The following USP35 variants were observed in gnomAD, a reference collection of about 807,000 sequenced individuals.
USP35 encodes ubiquitin specific peptidase 35, also known as ubiquitin carboxyl-terminal hydrolase 35.
In USP35, 69 loss-of-function variants were observed where a neutral mutation model predicts 83.8. The observed-to-expected ratio is 0.82, with a 90% CI of 0.68 to 1.01. The LOEUF (loss-of-function observed/expected upper bound fraction) is 1.01. USP35 is among the 50% of genes least tolerant of loss of function. The pLI is 0.00. For synonymous variants in USP35, 714 were observed against 589.5 expected, an observed-to-expected ratio of 1.21 and a Z score of -3.06; for missense variants, 1,503 against 1,362.5, an observed-to-expected ratio of 1.10 and a Z score of -1.62.
intron 7 of USP35, 120 bp from the exon 8 acceptor site, chr11:78,207,410 T>C (rs1031561664): frequency 1.5e-5 from 14 of 959,480 alleles, no homozygotes; most frequent in East Asian, 2.4e-5. Flanking sequence ...GGCTCCGTCT[T>C]GGGGCAGAAA....
the USP35 span, among the ~76,000 whole-genome samples, chr11:78,230,540 C>G: frequency 6.6e-6 from 1 of 152,264 alleles, no homozygotes; most frequent in Admixed American, 6.5e-5. Context: ...TCACCTTATT[C>G]TGCCTTATGT....
chr11:78,236,608 G>T, the USP35 span, among the ~76,000 whole-genome samples: 1 of 152,196 alleles, frequency 6.6e-6, no homozygotes, highest in African/African-American at 2.4e-5. Flanking sequence ...GGGTTCCTTA[G>T]AAGTCCTTTA....
downstream of USP35, chr11:78,219,050 T>G: frequency 1.9e-6 from 1 of 539,360 alleles, no homozygotes; most frequent in Non-Finnish European, 3.3e-6. Context: ...CCATTACTGA[T>G]AAAAATCACA....
At chr11:78,222,129 A>G in the USP35 span, 1 of 1,613,318 alleles carries the variant, frequency 6.2e-7, no homozygotes, top group Non-Finnish European at 8.5e-7. Context: ...AGACTTGGTG[A>G]TAGGTGACTT....
downstream of USP35, chr11:78,219,193 G>T: frequency 7.4e-7 from 1 of 1,349,784 alleles, no homozygotes; most frequent in Non-Finnish European, 1.0e-6. Flanking sequence ...ATGGGAGGAA[G>T]AACGGGAGAG....
the USP35 span, chr11:78,221,536 T>G: frequency 2.1e-6 from 1 of 474,364 alleles, no homozygotes. Context: ...TCAAGAAGGG[T>G]TTGTAGCAGG....
At chr11:78,198,765 G>A (rs1477997214) in intron 3 of USP35, 5 of 930,568 alleles carry the variant, frequency 5.4e-6, no homozygotes, top group Non-Finnish European at 6.4e-6. Flanking sequence ...TCTTGCCTGT[G>A]CGACCTTGGA....
the USP35 span, among the ~76,000 whole-genome samples, chr11:78,233,989 T>G: frequency 1.3e-5 from 2 of 152,230 alleles, no homozygotes; most frequent in Non-Finnish European, 2.9e-5. Flanking sequence ...AACTACAGTT[T>G]TTTCTCTTTT....
chr11:78,224,275 A>G, the USP35 span, among the ~76,000 whole-genome samples: 1 of 152,166 alleles, frequency 6.6e-6, no homozygotes, highest in Non-Finnish European at 1.5e-5. Context: ...GGCATAGTCC[A>G]TAGACTGTAG....
At chr11:78,226,623 G>T in the USP35 span, 24 of 1,613,396 alleles carry the variant, frequency 1.5e-5, no homozygotes, top group African/African-American at 2.7e-5. Flanking sequence ...GGGTGGGGGA[G>T]CTATGGCTGA....
chr11:78,196,515 G>A lies in USP35; in HGVS notation c.270G>A (p.Gln90=), dbSNP rs947708769. 109 of 1,226,016 alleles carry A rather than the reference G, an allele frequency of 8.9e-5. No homozygotes were observed. The highest frequency in any genetic ancestry group is 1.1e-4 in the Non-Finnish European group (105 of 976,744). The allele number at this position is 1,226,016 out of a possible 1,614,324, so 75.9% of individuals were successfully genotyped here. The change falls in exon 2 of 11, where the codon CAG becomes CAA. Residue 90 remains glutamine (Q), a synonymous_variant. Coordinates refer to ENST00000529308, the MANE Select transcript of USP35 (RefSeq NM_020798.4). This position sits in a 1 kb window ranked among gnomAD's most constrained non-coding sequence, Gnocchi z 4.8. ...CGCGTCGCGTGCTGCGCCTGCTGCAGGGTGGCGCCGGCCCCCCGGGCCCCC... is the reference window on the plus strand; with the variant it reads ...CGCGTCGCGTGCTGCGCCTGCTGCAAGGTGGCGCCGGCCCCCCGGGCCCCC... The part of the protein sequence containing the change: ...FSARRVLRLL[Q]GGAGPPGPRA...
At chr11:78,212,835 A>AT (rs1863843426) in intron 10 of USP35, among the ~76,000 whole-genome samples, 1 of 152,160 alleles carries the variant, frequency 6.6e-6, no homozygotes, top group Non-Finnish European at 1.5e-5. Context: ...AGAAAACCCC[A>AT]TTAATGCAGT....
At chr11:78,230,798 G>A in the USP35 span, among the ~76,000 whole-genome samples, 25 of 152,364 alleles carry the variant, frequency 1.6e-4, no homozygotes, top group Admixed American at 1.6e-3. Context: ...CCCCCACTGC[G>A]CAAACCATGC....
the USP35 span, among the ~76,000 whole-genome samples, chr11:78,230,295 G>A: frequency 1.3e-5 from 2 of 152,112 alleles, no homozygotes; most frequent in Admixed American, 6.6e-5. Flanking sequence ...CTCCTGTCTC[G>A]CTCACAGAAC....
Position 78,209,704 on chromosome 11 carries a change from C to A in USP35, c.1849C>A (p.Pro617Thr). 2 of 1,614,044 alleles carry A rather than the reference C, an allele frequency of 1.2e-6. No homozygotes were observed. Among genetic ancestry groups the A allele is most frequent in the Non-Finnish European group, 8.5e-7 (1 of 1,179,972 alleles). The stretch of plus-strand genomic sequence containing the variant: ...CCGCCGCCTGGGCTCTGTGATGCGC[C>A]CCACAGAAGACATCACAGCCCGGGA... The part of the protein sequence containing the change: ...RRRRLGSVMR[P>T]TEDITARELP... Residue 617 changes from proline to threonine, a missense_variant, in exon 10 of 11, where the codon CCC (proline) becomes ACC (threonine). Transcript: ENST00000529308.
In USP35 at chr11:78,214,567, AGCAGTTGGCCTTTGTAGCT is replaced by A. The variant is rs1864010689; in HGVS notation, c.*758_*776del. ...CTTAGGAAGCCTGTGGGCTCCTCTG[AGCAGTTGGCCTTTGTAGCT>A]GCAACAGCAGCCACCTGCAGGTTGG... On this transcript the variant is annotated 3_prime_UTR_variant, in exon 11 of 11. Coordinates refer to ENST00000529308, the MANE Select transcript of USP35 (RefSeq NM_020798.4). 6.6e-6 allele frequency: 1 copy of A among 150,658 alleles called. No individual in the cohort carries two copies. Among genetic ancestry groups the A allele is most frequent in the East Asian group, 1.9e-4 (1 of 5,196 alleles). The allele number at this position is 150,658 out of a possible 1,614,324, so 9.3% of individuals were successfully genotyped here.
downstream of USP35, chr11:78,217,565 T>C (rs1864210646): frequency 6.6e-6 from 1 of 152,202 alleles, no homozygotes. Context: ...GAAGTTCTGT[T>C]CGCCCCAGGG....
At chr11:78,205,395 C>G (rs971169735) in intron 6 of USP35, among the ~76,000 whole-genome samples, 2 of 152,234 alleles carry the variant, frequency 1.3e-5, no homozygotes, top group African/African-American at 4.8e-5. Context: ...GAAACTGAAT[C>G]AGAGAGCCTC....
At position 78,205,830 on chromosome 11, in the gene USP35, T is replaced by C. The variant is rs754167450; in HGVS notation, c.1198-12T>C. ...GCCCACCATCCTGCCTGCCTGCTTA[T>C]TCCCTCCTCAGGACCTCCATGTTCC... On this transcript the variant is annotated splice_polypyrimidine_tract_variant and intron_variant, in intron 6 of 10. Coordinates refer to ENST00000529308, the MANE Select transcript of USP35 (RefSeq NM_020798.4). 26 of 1,602,872 alleles carry C rather than the reference T, an allele frequency of 1.6e-5. No homozygotes were observed. The highest frequency in any genetic ancestry group is 1.3e-4 in the Admixed American group (8 of 59,638).
Sources: gnomAD v4.1 joint callset for allele counts (sites outside exome capture counted in the v4.1 genomes callset) on GRCh38, gnomAD v4.1.1 for gene constraint, Gnocchi (gnomAD v3.1) non-coding constraint, MANE v1.5 for transcripts, NCBI Gene and HGNC (gene_info 2026-07-23, HGNC 2026-07-21) for gene names.